MAGI1: variants seen among roughly 807,000 people sequenced by gnomAD.
MAGI1 encodes membrane-associated guanylate kinase, WW and PDZ domain-containing protein 1.
Under a neutral mutation model 139.9 loss-of-function variants are expected in MAGI1, and 58 were observed. The ratio of observed to expected loss-of-function variants is 0.41; its 90% CI spans 0.34 to 0.52. The LOEUF is 0.52. Ranked by LOEUF, MAGI1 falls within the 20% of genes least tolerant of loss-of-function variation. The pLI is 0.12. For missense variants in MAGI1, 1,874 were observed against 1,901.6 expected (o/e 0.99, Z 0.27); for synonymous variants, 812 against 737.9 (o/e 1.10, Z -1.63).
At chr3:65,423,789 T>C (rs2107295421) in intron 12 of MAGI1, among the ~76,000 whole-genome samples, 1 of 152,340 alleles carries the variant, frequency 6.6e-6, no homozygotes, top group African/African-American at 2.4e-5. Flanking sequence ...TTCAGAGGAC[T>C]CTTATGAATT....
chr3:65,997,263 C>T (rs1237192405), intron 1 of MAGI1, among the ~76,000 whole-genome samples: 1 of 152,168 alleles, frequency 6.6e-6, no homozygotes, highest in Non-Finnish European at 1.5e-5. Context: ...AAAACCTCCA[C>T]CAACTTATCC....
intron 1 of MAGI1, among the ~76,000 whole-genome samples, chr3:65,804,798 C>G (rs2040742835): frequency 6.6e-6 from 1 of 152,200 alleles, no homozygotes; most frequent in Non-Finnish European, 1.5e-5. Context: ...CTACAACCAT[C>G]TGATCTTTGA....
At chr3:65,971,601 G>A (rs143205999) in intron 1 of MAGI1, among the ~76,000 whole-genome samples, 29 of 152,230 alleles carry the variant, frequency 1.9e-4, no homozygotes, top group Non-Finnish European at 2.5e-4. Flanking sequence ...ATGTTTTCAC[G>A]CAATTCAAAG....
At chr3:65,584,086 G>A (rs1380254675) in intron 2 of MAGI1, among the ~76,000 whole-genome samples, 844 of 95,336 alleles carry the variant, frequency 8.9e-3, no homozygotes, top group South Asian at 0.011. Flanking sequence ...ATCTACTCTT[G>A]AAAAAAAAAA....
chr3:65,812,468 T>TCTCTCTCTCACACACACACACACACA (rs1176899313), intron 1 of MAGI1, among the ~76,000 whole-genome samples: 7 of 89,168 alleles, frequency 7.9e-5, no homozygotes, highest in South Asian at 9.7e-4. Context: ...TCTCTCTCTC[T>TCTCTCTCTCACACACACACACACACA]CACACACACA....
chr3:65,766,300 T>A (rs1204807901), intron 1 of MAGI1, among the ~76,000 whole-genome samples: 53 of 152,006 alleles, frequency 3.5e-4, no homozygotes, highest in Non-Finnish European at 1.0e-4. Flanking sequence ...GGAGAAGGAG[T>A]CCCAATTCCT....
intron 1 of MAGI1, among the ~76,000 whole-genome samples, chr3:65,803,658 T>C (rs1421848001): frequency 2.0e-5 from 3 of 152,182 alleles, no homozygotes; most frequent in African/African-American, 7.2e-5. Context: ...GTACTAAGCC[T>C]AGTATCCAAC....
chr3:65,877,110 G>C (rs917160089), intron 1 of MAGI1, among the ~76,000 whole-genome samples: 1 of 152,084 alleles, frequency 6.6e-6, no homozygotes, highest in Non-Finnish European at 1.5e-5. Flanking sequence ...TTTAAGCTGG[G>C]ACTCAAATGC....
At position 65,496,618 on chromosome 3, in the gene MAGI1, A is replaced by G. The variant is rs144137927; in HGVS notation, c.431-2987T>C. 6.8e-4 allele frequency among the ~76,000 whole-genome samples: 104 copies of G among 152,322 alleles called. No individual in the cohort carries two copies. The Middle Eastern group carries it at 0.014, about 20-fold the overall frequency. On this transcript the variant is annotated intron_variant, in intron 2 of 22. Transcript: ENST00000402939. ...CATCAAGGTATTAAGCGCCACATGC[A>G]TTAGCTATTTATCCTGATGCTCTCC...
chr3:65,510,368 G>T (rs1181273155), intron 2 of MAGI1, among the ~76,000 whole-genome samples: 1 of 151,754 alleles, frequency 6.6e-6, no homozygotes, highest in East Asian at 1.9e-4. Flanking sequence ...GCTACGGGGG[G>T]ACATTCAAAC....
At chr3:65,453,908 C>T (rs897021139) in intron 5 of MAGI1, among the ~76,000 whole-genome samples, 1 of 152,178 alleles carries the variant, frequency 6.6e-6, no homozygotes, top group African/African-American at 2.4e-5. Flanking sequence ...AATTACTCGT[C>T]ATAAATAGAA....
intron 1 of MAGI1, among the ~76,000 whole-genome samples, chr3:65,795,079 A>G (rs1033825769): frequency 1.8e-4 from 27 of 152,300 alleles, no homozygotes; most frequent in African/African-American, 6.5e-4. Context: ...CACGGAAAAC[A>G]GTTTGACACT....
In MAGI1 at chr3:65,830,009, G is replaced by A. The variant is rs75763991; in HGVS notation, c.314-207921C>T. On this transcript the variant is annotated intron_variant, in intron 1 of 22. Transcript: ENST00000402939. ...TAGTCACAACGGTATCTACATACAC[G>A]TGAAAAATGACATTCCAGACACACG... Among the ~76,000 whole-genome samples, 418 of 152,234 alleles carry A rather than the reference G, an allele frequency of 2.7e-3. 1 individual carries two copies. Among genetic ancestry groups the A allele is most frequent in the African/African-American group, 9.3e-3 (388 of 41,550 alleles).
At chr3:65,680,194 T>C (rs2087483778) in intron 1 of MAGI1, among the ~76,000 whole-genome samples, 1 of 152,150 alleles carries the variant, frequency 6.6e-6, no homozygotes, top group Admixed American at 6.5e-5. Flanking sequence ...GCATCTCCCT[T>C]GGATTCCAGT....
At chr3:65,849,482 TATATCATCAAATATAC>T (rs1414383481) in intron 1 of MAGI1, among the ~76,000 whole-genome samples, 21 of 143,408 alleles carry the variant, frequency 1.5e-4, no homozygotes, top group Admixed American at 2.8e-4. Context: ...TATATATATA[TATATCATCAAATATAC>T]ATATATATAT....
chr3:65,534,730 G>C (rs2078878132), intron 2 of MAGI1, among the ~76,000 whole-genome samples: 3 of 152,166 alleles, frequency 2.0e-5, no homozygotes, highest in African/African-American at 4.8e-5. Flanking sequence ...ATGATGGCAA[G>C]AGAGCACCAA....
chr3:65,868,760 G>GT (rs1286159243), intron 1 of MAGI1, among the ~76,000 whole-genome samples: 1 of 152,134 alleles, frequency 6.6e-6, no homozygotes, highest in African/African-American at 2.4e-5. Flanking sequence ...GCAAAGACTT[G>GT]TTAAATGAGT....
At chr3:65,528,061 A>G (rs1392594899) in intron 2 of MAGI1, among the ~76,000 whole-genome samples, 1 of 152,186 alleles carries the variant, frequency 6.6e-6, no homozygotes, top group Non-Finnish European at 1.5e-5. Context: ...AAGACTACAA[A>G]GATTTTAAGA....
intron 2 of MAGI1, among the ~76,000 whole-genome samples, chr3:65,515,396 A>T (rs1438460872): frequency 6.6e-6 from 1 of 151,964 alleles, no homozygotes; most frequent in African/African-American, 2.4e-5. Flanking sequence ...TGTTTTACAT[A>T]AGCAAAACAG....
Sources: gnomAD v4.1 joint callset for allele counts (sites outside exome capture counted in the v4.1 genomes callset) on GRCh38, gnomAD v4.1.1 for gene constraint, MANE v1.5 for transcripts, NCBI Gene and HGNC (gene_info 2026-07-23, HGNC 2026-07-21) for gene names.